Variants in MORF4L1 observed in about 807,000 individuals in gnomAD.
MORF4L1 encodes the protein mortality factor 4-like protein 1.
A neutral mutation model predicts 52.9 loss-of-function variants in MORF4L1; 4 were observed. That is an observed-to-expected ratio of 0.08 (90% CI 0.04 to 0.17). The LOEUF is 0.17. Among genes scored for constraint, MORF4L1 ranks in the 10% least tolerant of loss-of-function variants. MORF4L1 has a pLI of 1.00. For synonymous variants in MORF4L1, 123 were observed against 134.8 expected (o/e 0.91, Z 0.61); for missense variants, 214 against 390.4 (o/e 0.55, Z 3.81).
intron 2 of MORF4L1, among the ~76,000 whole-genome samples, chr15:78,878,967 C>T (rs1030982851): frequency 2.0e-5 from 3 of 151,872 alleles, no homozygotes; most frequent in African/African-American, 4.8e-5. Flanking sequence ...TAGTTTTATG[C>T]TATATGTGTC....
At chr15:78,887,843 A>G (rs544166548) in intron 5 of MORF4L1, among the ~76,000 whole-genome samples, 2 of 152,178 alleles carry the variant, frequency 1.3e-5, no homozygotes, top group East Asian at 3.9e-4. Context: ...CAGTGGTGTG[A>G]TCTGTGCTCA....
chr15:78,873,118 G>C, intron 1 of MORF4L1, 61 bp downstream of exon 1: 1 of 1,546,020 alleles, frequency 6.5e-7, no homozygotes, highest in East Asian at 2.5e-5. Flanking sequence ...GCGGGCTCGA[G>C]GTGATTGAGG....
At chr15:78,874,757 C>G (rs906892545) in intron 1 of MORF4L1, among the ~76,000 whole-genome samples, 1 of 151,096 alleles carries the variant, frequency 6.6e-6, no homozygotes. Flanking sequence ...CCCTCTCTCA[C>G]CTTGAGAAGC....
chr15:78,887,279 G>C lies in MORF4L1; in HGVS notation c.253G>C (p.Ala85Pro). 1 of 1,609,882 alleles carries C rather than the reference G, an allele frequency of 6.2e-7. No individual in the cohort carries two copies. The highest frequency in any genetic ancestry group is 8.5e-7 in the Non-Finnish European group (1 of 1,179,246). ...AAATTATTTTTGAAGGGAGCAGTAT[G>C]CAGAGGGGAAGATGAGAGGGGCTGC... ...ELQKANQEQY[A>P]EGKMRGAAPG... Residue 85 changes from alanine to proline, a missense_variant, in exon 5 of 12, where the codon GCA (alanine) becomes CCA (proline). Physicochemically the swap from Ala to Pro is conservative, Grantham distance 27 (BLOSUM62 -1). Coordinates refer to ENST00000426013, the MANE Select transcript of MORF4L1 (RefSeq NM_006791.4).
intron 3 of MORF4L1, 34 bp downstream of exon 3, chr15:78,880,613 TAAC>T (rs2056583940): frequency 6.9e-7 from 1 of 1,456,086 alleles, no homozygotes; most frequent in Non-Finnish European, 9.5e-7. Flanking sequence ...TATTTGTAAT[TAAC>T]AAGATAGCTT....
At chr15:78,882,126 C>T (rs2056614041) in intron 3 of MORF4L1, among the ~76,000 whole-genome samples, 1 of 152,170 alleles carries the variant, frequency 6.6e-6, no homozygotes, top group Non-Finnish European at 1.5e-5. Flanking sequence ...ATCCTGACAA[C>T]TTGTGGGTAT....
intron 8 of MORF4L1, 114 bp from the exon 9 acceptor site, chr15:78,893,425 T>C: frequency 1.4e-6 from 1 of 709,266 alleles, no homozygotes. Context: ...AATAGTATCT[T>C]TCCTAATTTG....
At chr15:78,893,508 C>A in intron 8 of MORF4L1, 31 bp from the exon 9 acceptor site, 1 of 1,434,574 alleles carries the variant, frequency 7.0e-7, no homozygotes, top group Non-Finnish European at 9.8e-7. Flanking sequence ...AAAGAGAGTG[C>A]TTATATTTAA....
intron 9 of MORF4L1, 37 bp downstream of exon 9, chr15:78,893,664 C>T (rs900579723): frequency 1.4e-6 from 2 of 1,394,882 alleles, no homozygotes; most frequent in African/African-American, 1.5e-5. Context: ...ACTCAAAAGA[C>T]ATTTAAAAAA....
At chr15:78,895,785 A>G (rs932962858) in intron 11 of MORF4L1, among the ~76,000 whole-genome samples, 3 of 152,128 alleles carry the variant, frequency 2.0e-5, no homozygotes, top group South Asian at 2.1e-4. Flanking sequence ...TCTACTTTGT[A>G]TACTTCTGTA....
intron 7 of MORF4L1, among the ~76,000 whole-genome samples, chr15:78,892,000 A>T (rs932615380): frequency 6.6e-6 from 1 of 152,184 alleles, no homozygotes. Flanking sequence ...AAGAAAATGC[A>T]CTAAATAGAC....
At chr15:78,889,363 T>C (rs990030494) in intron 5 of MORF4L1, among the ~76,000 whole-genome samples, 3 of 152,220 alleles carry the variant, frequency 2.0e-5, no homozygotes, top group Non-Finnish European at 4.4e-5. Flanking sequence ...GATTTTGAAA[T>C]GTTTGCGTTA....
At chr15:78,873,961 A>G (rs1006240818) in intron 1 of MORF4L1, 2 of 152,200 alleles carry the variant, frequency 1.3e-5, no homozygotes, top group Admixed American at 6.5e-5. Flanking sequence ...AAATGCAGTA[A>G]TTGTTTGATT....
intron 11 of MORF4L1, among the ~76,000 whole-genome samples, chr15:78,896,638 G>T (rs939096230): frequency 6.6e-6 from 1 of 152,028 alleles, no homozygotes; most frequent in African/African-American, 2.4e-5. Context: ...AAAATGTCTA[G>T]ATGTTCTTTT....
At chr15:78,886,709 A>G (rs898014750) in intron 4 of MORF4L1, among the ~76,000 whole-genome samples, 7 of 152,240 alleles carry the variant, frequency 4.6e-5, no homozygotes, top group Non-Finnish European at 8.8e-5. Flanking sequence ...TAATCCCAGC[A>G]TTTTGGGAGG....
At chr15:78,875,589 T>TGAG (rs2056470030) in intron 1 of MORF4L1, among the ~76,000 whole-genome samples, 1 of 150,654 alleles carries the variant, frequency 6.6e-6, no homozygotes, top group Non-Finnish European at 1.5e-5. Context: ...ACCAGCCTGG[T>TGAG]CAGCCTGGTG....
intron 3 of MORF4L1, among the ~76,000 whole-genome samples, chr15:78,883,583 T>C: frequency 6.6e-6 from 1 of 151,756 alleles, no homozygotes; most frequent in East Asian, 1.9e-4. Context: ...GATTTTTTTG[T>C]TCTCAACTAA....
At chr15:78,896,117 T>G (rs2056883820) in intron 11 of MORF4L1, among the ~76,000 whole-genome samples, 1 of 152,070 alleles carries the variant, frequency 6.6e-6, no homozygotes, top group Non-Finnish European at 1.5e-5. Flanking sequence ...TAGCTGGGAT[T>G]ACAGGTGCAC....
At chr15:78,892,106 G>C in intron 7 of MORF4L1, 106 bp from the exon 8 acceptor site, 1 of 672,124 alleles carries the variant, frequency 1.5e-6, no homozygotes, top group Non-Finnish European at 2.6e-6. Flanking sequence ...TGTATGCTTG[G>C]CTACTTTAAG....
Sources: allele counts gnomAD v4.1 joint callset (sites outside exome capture counted in the v4.1 genomes callset), GRCh38; gene constraint gnomAD v4.1.1; transcripts MANE v1.5; gene names NCBI Gene and HGNC (gene_info 2026-07-23, HGNC 2026-07-21).